Variants in PAK3 observed in about 807,000 individuals in gnomAD.
PAK3 encodes p21 (RAC1) activated kinase 3.
PAK3 carries 4 observed loss-of-function variants against 41.0 expected under a neutral mutation model. The ratio of observed to expected loss-of-function variants is 0.10; its 90% CI spans 0.05 to 0.22. PAK3 has a LOEUF of 0.22. Ranked by LOEUF, PAK3 falls within the 10% of genes least tolerant of loss-of-function variation. PAK3 has a pLI of 1.00. For synonymous variants in PAK3, 146 were observed against 139.6 expected, an observed-to-expected ratio of 1.05 and a Z score of -0.32; for missense variants, 205 against 409.9, an observed-to-expected ratio of 0.50 and a Z score of 4.32.
chrX:110,997,230 G>C (rs749370305), intron 1 of PAK3, among the ~76,000 whole-genome samples: 10 of 111,090 alleles, frequency 9.0e-5, no homozygotes, highest in African/African-American at 3.3e-4. Context: ...AACTTTGAAG[G>C]TTATTGTAAG....
At chrX:110,992,149 C>T (rs1802806662) in intron 1 of PAK3, among the ~76,000 whole-genome samples, 1 of 109,981 alleles carries the variant, frequency 9.1e-6, no homozygotes, top group Non-Finnish European at 1.9e-5. Context: ...GAATCCAGCC[C>T]TAAAGGAGGT....
At chrX:110,945,287 A>G (rs2090592683) in intron 1 of PAK3, among the ~76,000 whole-genome samples, 1 of 111,470 alleles carries the variant, frequency 9.0e-6, no homozygotes, top group Non-Finnish European at 1.9e-5. Context: ...TCTTGGCATT[A>G]CATGTCCTTG....
intron 1 of PAK3, among the ~76,000 whole-genome samples, chrX:111,069,073 T>C (rs1156692644): frequency 8.9e-6 from 1 of 112,053 alleles, no homozygotes; most frequent in Non-Finnish European, 1.9e-5. Context: ...CAGCACCACC[T>C]GAGAGTGAGC....
chrX:111,112,764 A>C, intron 4 of PAK3, among the ~76,000 whole-genome samples: 2 of 111,916 alleles, frequency 1.8e-5, no homozygotes, highest in East Asian at 5.6e-4. Flanking sequence ...GGGTTTATAA[A>C]AAATCTACTA....
chrX:110,993,215 G>A (rs911687562), intron 1 of PAK3, among the ~76,000 whole-genome samples: 10 of 111,789 alleles, frequency 8.9e-5, no homozygotes, highest in Non-Finnish European at 1.7e-4. Flanking sequence ...CTCGAATTGT[G>A]CTTGTGGGTC....
At chrX:111,025,471 A>G (rs2092256142) in intron 1 of PAK3, among the ~76,000 whole-genome samples, 1 of 111,457 alleles carries the variant, frequency 9.0e-6, no homozygotes, top group African/African-American at 3.3e-5. Flanking sequence ...TACAACCAAC[A>G]CCACAGAAAT....
At chrX:111,215,131 C>T (rs1324788773) in intron 16 of PAK3, among the ~76,000 whole-genome samples, 1 of 111,802 alleles carries the variant, frequency 8.9e-6, no homozygotes, top group Non-Finnish European at 1.9e-5. Context: ...CACTAAACTG[C>T]GTGATCCTTC....
At chrX:110,951,214 T>G (rs757931659) in intron 1 of PAK3, among the ~76,000 whole-genome samples, 10 of 112,326 alleles carry the variant, frequency 8.9e-5, no homozygotes, top group Non-Finnish European at 1.9e-5. Flanking sequence ...TCTCTAAATA[T>G]TTTGGATAGT....
chrX:111,179,458 A>C (rs1333270989), intron 11 of PAK3, among the ~76,000 whole-genome samples: 1 of 111,418 alleles, frequency 9.0e-6, no homozygotes. Context: ...CTTACACAAA[A>C]ATAGGGAAAA....
chrX:111,078,260 T>C (rs1166858349), intron 1 of PAK3, among the ~76,000 whole-genome samples: 3 of 109,885 alleles, frequency 2.7e-5, no homozygotes, highest in African/African-American at 9.9e-5. Flanking sequence ...GTTTTTTTTT[T>C]GTTTTGTTTT....
chrX:111,111,196 A>G (rs1412339785), intron 4 of PAK3, among the ~76,000 whole-genome samples: 3 of 112,520 alleles, frequency 2.7e-5, no homozygotes, highest in Admixed American at 9.4e-5. Flanking sequence ...CTACAATTGT[A>G]TCTGTCTTAA....
rs1351006633 is a variant in PAK3 at position 111,221,425 on chromosome X, C to T, written c.*978C>T. 1 of 111,674 alleles carries T rather than the reference C, an allele frequency of 9.0e-6. No homozygotes were observed. Among genetic ancestry groups the T allele is most frequent in the African/African-American group, 3.3e-5 (1 of 30,743 alleles). The allele number at this position is 111,674 out of a possible 1,213,427, so 9.2% of individuals were successfully genotyped here. A position where few individuals can be genotyped will look rare whatever the true frequency, so the allele number is the denominator to read the frequency against. On this transcript the variant is annotated 3_prime_UTR_variant, in exon 18 of 18. Transcript: ENST00000372007. The stretch of plus-strand genomic sequence containing the variant: ...TGGGACTTTCTCTGAGAGCCAAAAC[C>T]AGATAAATGTAGAATACTGAAATCC...
chrX:110,972,126 C>A (rs1204882575), intron 1 of PAK3, among the ~76,000 whole-genome samples: 4 of 110,697 alleles, frequency 3.6e-5, no homozygotes, highest in Admixed American at 9.7e-5. Flanking sequence ...CTATCTATCT[C>A]TCTCTCTATA....
intron 1 of PAK3, among the ~76,000 whole-genome samples, chrX:110,985,874 G>T (rs2091533604): frequency 9.0e-6 from 1 of 111,719 alleles, no homozygotes; most frequent in African/African-American, 3.3e-5. Flanking sequence ...TTTGTGTTGT[G>T]TGAGAATGAG....
At chrX:111,145,639 A>G (rs2093934185) in intron 6 of PAK3, among the ~76,000 whole-genome samples, 1 of 111,806 alleles carries the variant, frequency 8.9e-6, no homozygotes, top group South Asian at 3.8e-4. Flanking sequence ...TGCATGTAAA[A>G]GTGTCGTTTC....
chrX:110,972,089 C>T (rs756764274), intron 1 of PAK3, among the ~76,000 whole-genome samples: 1 of 111,070 alleles, frequency 9.0e-6, no homozygotes, highest in African/African-American at 3.3e-5. Context: ...CACACACACA[C>T]ATATATATAC....
chrX:111,044,626 A>G (rs972255638), intron 1 of PAK3, among the ~76,000 whole-genome samples: 3 of 111,898 alleles, frequency 2.7e-5, no homozygotes, highest in Non-Finnish European at 5.6e-5. Context: ...CCTAATTACC[A>G]TGAATGATCA....
chrX:110,978,469 T>G (rs2091381590), intron 1 of PAK3, among the ~76,000 whole-genome samples: 1 of 111,179 alleles, frequency 9.0e-6, no homozygotes, highest in Admixed American at 9.5e-5. Flanking sequence ...TTTAACCTAT[T>G]GATATGGTGG....
At chrX:111,209,743 A>C (rs1022168642) in intron 16 of PAK3, among the ~76,000 whole-genome samples, 1 of 112,307 alleles carries the variant, frequency 8.9e-6, no homozygotes, top group Admixed American at 9.5e-5. Context: ...TAAACTTTAT[A>C]AACTGTTGTA....
Sources: allele counts gnomAD v4.1 joint callset (sites outside exome capture counted in the v4.1 genomes callset), GRCh38; gene constraint gnomAD v4.1.1; transcripts MANE v1.5; gene names NCBI Gene and HGNC (gene_info 2026-07-23, HGNC 2026-07-21).